Variants in MACROD2 observed in about 807,000 individuals in gnomAD.
The protein encoded by MACROD2 is ADP-ribose glycohydrolase MACROD2.
In MACROD2, 36 loss-of-function variants were observed where a neutral mutation model predicts 70.4. That is an observed-to-expected ratio of 0.51 (90% CI 0.39 to 0.68). The LOEUF (loss-of-function observed/expected upper bound fraction) is 0.68, where lower values mean the gene tolerates loss of function less well. Among genes scored for constraint, MACROD2 ranks in the 30% least tolerant of loss-of-function variants. The probability of loss-of-function intolerance (pLI) is 0.00; values close to 1 mark genes in which losing one functional copy is unlikely to be tolerated. For synonymous variants in MACROD2, 172 were observed against 178.8 expected (o/e 0.96, Z 0.30); for missense variants, 496 against 538.4 (o/e 0.92, Z 0.78).
At chr20:15,851,384 A>G (rs992397316) in intron 8 of MACROD2, among the ~76,000 whole-genome samples, 1 of 152,016 alleles carries the variant, frequency 6.6e-6, no homozygotes, top group Non-Finnish European at 1.5e-5. Flanking sequence ...TCTGGAGGCT[A>G]GAAGGCAAAT....
In MACROD2 at chr20:14,484,562, A is replaced by T. The variant is rs191462721; in HGVS notation, c.272-8917A>T. On this transcript the variant is annotated intron_variant, in intron 3 of 17. Coordinates refer to ENST00000684519, the MANE Select transcript of MACROD2 (RefSeq NM_001351661.2). ...TTCTTTCTATTGTTTTTACCCATTA[A>T]CTATCCCCACTTCCTCTCCACCCCT... Among the ~76,000 whole-genome samples the T allele has an allele frequency of 3.3e-5, 5 of 152,278 alleles. No homozygotes were observed. In the East Asian group the frequency reaches 9.6e-4, roughly 29 times the overall value.
intron 7 of MACROD2, among the ~76,000 whole-genome samples, chr20:15,480,312 C>T (rs560497012): frequency 8.3e-4 from 127 of 152,280 alleles, no homozygotes; most frequent in Non-Finnish European, 1.3e-3. Context: ...CTTAACTCTT[C>T]GCTCCAGTTT....
intron 7 of MACROD2, among the ~76,000 whole-genome samples, chr20:15,482,437 A>G (rs1465356046): frequency 6.6e-6 from 1 of 152,164 alleles, no homozygotes; most frequent in African/African-American, 2.4e-5. Context: ...GACAATACCA[A>G]TTGTCGATGA....
At chr20:14,846,934 C>T (rs2073148274) in intron 5 of MACROD2, among the ~76,000 whole-genome samples, 1 of 151,898 alleles carries the variant, frequency 6.6e-6, no homozygotes, top group Admixed American at 6.6e-5. Flanking sequence ...TTAAAATTAC[C>T]CATGCTTGAT....
At chr20:15,850,528 CTT>C (rs1209154301) in intron 8 of MACROD2, among the ~76,000 whole-genome samples, 1 of 152,208 alleles carries the variant, frequency 6.6e-6, no homozygotes, top group African/African-American at 2.4e-5. Context: ...GCCCGCTTAT[CTT>C]TTATGGATTT....
chr20:14,936,435 C>A (rs1316176789), intron 5 of MACROD2, among the ~76,000 whole-genome samples: 1 of 152,174 alleles, frequency 6.6e-6, no homozygotes, highest in Non-Finnish European at 1.5e-5. Context: ...CAAATACCTG[C>A]TGAAAATGTT....
At chr20:14,849,884 G>A (rs1450780576) in intron 5 of MACROD2, 3 of 482,146 alleles carry the variant, frequency 6.2e-6, no homozygotes, top group East Asian at 1.1e-4. Flanking sequence ...CCTTACTCTG[G>A]CATTTGTGTT....
chr20:15,012,040 A>G (rs955221320), intron 5 of MACROD2, among the ~76,000 whole-genome samples: 1 of 152,202 alleles, frequency 6.6e-6, no homozygotes, highest in African/African-American at 2.4e-5. Flanking sequence ...TTTCAGTTAT[A>G]TGTGATAGTA....
At chr20:15,619,574 T>C in intron 8 of MACROD2, 1 of 447,266 alleles carries the variant, frequency 2.2e-6, no homozygotes, top group South Asian at 2.5e-5. Context: ...GTCATCAGGT[T>C]CTTGTCTGGT....
chr20:15,558,999 C>T (rs542557206), intron 8 of MACROD2, among the ~76,000 whole-genome samples: 10 of 151,982 alleles, frequency 6.6e-5, no homozygotes, highest in African/African-American at 1.7e-4. Flanking sequence ...GAGGCCGAGA[C>T]GGGCGGATCA....
chr20:15,206,730 T>TTTTTTGTTTGTTTG (rs2076709260), intron 5 of MACROD2, among the ~76,000 whole-genome samples: 1 of 68,872 alleles, frequency 1.5e-5, no homozygotes, highest in South Asian at 5.1e-4. Flanking sequence ...TGTTTTTTTT[T>TTTTTTGTTTGTTTG]TTTTTTTTTT....
intron 2 of MACROD2, among the ~76,000 whole-genome samples, chr20:14,036,539 G>A (rs750759039): frequency 1.5e-4 from 23 of 152,270 alleles, no homozygotes; most frequent in Non-Finnish European, 4.4e-5. Flanking sequence ...TGGGTGGGAG[G>A]AAGTTTCACT....
intron 15 of MACROD2, among the ~76,000 whole-genome samples, chr20:16,003,475 T>A (rs902398941): frequency 6.6e-6 from 1 of 152,146 alleles, no homozygotes; most frequent in Admixed American, 6.5e-5. Context: ...TGGTCCAGAC[T>A]TCCTGGCAAC....
At chr20:14,237,537 ATTTAT>A (rs945403921) in intron 3 of MACROD2, among the ~76,000 whole-genome samples, 3 of 150,506 alleles carry the variant, frequency 2.0e-5, no homozygotes, top group Admixed American at 2.0e-4. Context: ...TTCTTTATTT[ATTTAT>A]TTTATTATTA....
At chr20:15,133,503 C>T (rs1177401519) in intron 5 of MACROD2, among the ~76,000 whole-genome samples, 1 of 151,966 alleles carries the variant, frequency 6.6e-6, no homozygotes, top group African/African-American at 2.4e-5. Flanking sequence ...CATTGTTTGG[C>T]AAATAATTAA....
At chr20:14,621,773 G>T (rs906815807) in intron 4 of MACROD2, 1 of 152,086 alleles carries the variant, frequency 6.6e-6, no homozygotes, top group Non-Finnish European at 1.5e-5. Context: ...TAGATTCTCC[G>T]TTGGGAAGTG....
chr20:15,390,462 C>T (rs1434988643), intron 6 of MACROD2, among the ~76,000 whole-genome samples: 1 of 152,110 alleles, frequency 6.6e-6, no homozygotes, highest in African/African-American at 2.4e-5. Flanking sequence ...GAATCTAAAT[C>T]TCTTGAGAAC....
Position 14,326,553 on chromosome 20 carries a change from G to C in MACROD2, c.272-166926G>C, listed in dbSNP as rs758767646. On this transcript the variant is annotated intron_variant, in intron 3 of 17. Coordinates refer to ENST00000684519, the MANE Select transcript of MACROD2 (RefSeq NM_001351661.2). The surrounding 1 kb of genome is among the most constrained non-coding windows in gnomAD (Gnocchi z 5.5). ...CCTTCACAGGTAGTGATTGTAACCA[G>C]TCACGTACCCATTTCATCTTGCACC... 6 of 1,613,920 alleles carry C rather than the reference G, an allele frequency of 3.7e-6. No homozygotes were observed. The highest frequency in any genetic ancestry group is 5.1e-6 in the Non-Finnish European group (6 of 1,179,858).
chr20:15,676,880 A>C (rs1177597234), intron 8 of MACROD2, among the ~76,000 whole-genome samples: 1 of 152,194 alleles, frequency 6.6e-6, no homozygotes, highest in African/African-American at 2.4e-5. Flanking sequence ...AAATAAAGAG[A>C]GCCAGTTCCT....
Sources: allele counts gnomAD v4.1 joint callset (sites outside exome capture counted in the v4.1 genomes callset), GRCh38; gene constraint gnomAD v4.1.1; non-coding constraint Gnocchi (gnomAD v3.1); transcripts MANE v1.5; gene names NCBI Gene and HGNC (gene_info 2026-07-23, HGNC 2026-07-21).